ANO3: variants seen among roughly 807,000 people sequenced by gnomAD.
ANO3 encodes the protein anoctamin 3.
In ANO3, 99 loss-of-function variants were observed where a neutral mutation model predicts 144.8. The ratio of observed to expected loss-of-function variants is 0.68; its 90% confidence interval spans 0.58 to 0.81. ANO3 has a LOEUF of 0.81. Ranked by LOEUF, ANO3 falls within the 30% of genes least tolerant of loss-of-function variation. The probability of loss-of-function intolerance (pLI) is 0.00; values close to 1 mark genes in which losing one functional copy is unlikely to be tolerated. For missense variants in ANO3, 905 were observed against 1,202.2 expected, an observed-to-expected ratio of 0.75 and a Z score of 3.66; for synonymous variants, 414 against 392.6, an observed-to-expected ratio of 1.05 and a Z score of -0.64.
upstream of ANO3, among the ~76,000 whole-genome samples, chr11:26,329,872 G>A (rs1288668383): frequency 2.0e-5 from 3 of 151,246 alleles, no homozygotes; most frequent in East Asian, 5.9e-4. Flanking sequence ...GAGTGCGGTG[G>A]TGCGATCTAG....
chr11:26,244,773 T>C (rs1328491742), intron 1 of ANO3, among the ~76,000 whole-genome samples: 3 of 152,166 alleles, frequency 2.0e-5, no homozygotes, highest in Admixed American at 6.5e-5. Flanking sequence ...TGGTCTCTTA[T>C]GTAACTGAAA....
chr11:26,430,293 A>T lies in ANO3; in HGVS notation c.47-11625A>T, dbSNP rs961241675. On this transcript the variant is annotated intron_variant, in intron 1 of 26. Transcript: ENST00000256737. ...CTTAAAGGTTTAATGGATAAGGTAG[A>T]TCATATATATATGTATGTGTCTACG... is the stretch of plus-strand genomic sequence containing the variant. 1.2e-4 allele frequency among the ~76,000 whole-genome samples: 18 copies of T among 152,066 alleles called. No homozygotes were observed. The East Asian group carries it at 3.5e-3, about 29-fold the overall frequency.
At chr11:26,559,893 A>G in intron 14 of ANO3, 114 bp downstream of exon 14, 1 of 796,016 alleles carries the variant, frequency 1.3e-6, no homozygotes, top group Non-Finnish European at 2.1e-6. Flanking sequence ...CAATTCAAAA[A>G]TAAAGCCTCT....
chr11:26,516,950 T>C, intron 6 of ANO3, 23 bp downstream of exon 6: 2 of 1,406,900 alleles, frequency 1.4e-6, no homozygotes, highest in Non-Finnish European at 2.0e-6. Context: ...TTTACTTTAT[T>C]TTATCTCAAT....
At chr11:26,595,031 G>C (rs570505162) in intron 14 of ANO3, among the ~76,000 whole-genome samples, 18 of 152,236 alleles carry the variant, frequency 1.2e-4, no homozygotes, top group African/African-American at 3.9e-4. Flanking sequence ...TTTTGCCTTG[G>C]GGGGAATGTT....
intron 1 of ANO3, among the ~76,000 whole-genome samples, chr11:26,193,098 G>T (rs1851509372): frequency 6.7e-6 from 1 of 150,264 alleles, no homozygotes; most frequent in Non-Finnish European, 1.5e-5. Context: ...CCCCTCAAAG[G>T]CTGCTATTAT....
At chr11:26,375,595 G>C (rs936602540) in intron 1 of ANO3, among the ~76,000 whole-genome samples, 4 of 152,054 alleles carry the variant, frequency 2.6e-5, no homozygotes, top group Non-Finnish European at 5.9e-5. Flanking sequence ...ATTTTCTCCC[G>C]ATCTTCTGTA....
chr11:26,554,420 T>C (rs1212574686), intron 13 of ANO3, among the ~76,000 whole-genome samples: 2 of 152,156 alleles, frequency 1.3e-5, no homozygotes, highest in Non-Finnish European at 2.9e-5. Context: ...GGACAAATGC[T>C]GTCATTTCTC....
intron 7 of ANO3, among the ~76,000 whole-genome samples, chr11:26,529,830 A>T (rs944197893): frequency 6.6e-6 from 1 of 152,084 alleles, no homozygotes; most frequent in African/African-American, 2.4e-5. Flanking sequence ...TCTGATTTCA[A>T]TCAGTATATA....
At chr11:26,446,044 C>G (rs1177010367) in intron 3 of ANO3, among the ~76,000 whole-genome samples, 1 of 152,064 alleles carries the variant, frequency 6.6e-6, no homozygotes, top group Non-Finnish European at 1.5e-5. Context: ...GTTGGCCAGG[C>G]TGGTCTCAAA....
At chr11:26,479,587 G>C (rs1307834442) in intron 4 of ANO3, among the ~76,000 whole-genome samples, 1 of 152,068 alleles carries the variant, frequency 6.6e-6, no homozygotes, top group East Asian at 1.9e-4. Context: ...ACTACCACGA[G>C]AACAGCATGG....
At chr11:26,388,896 C>T (rs1554948008) in intron 1 of ANO3, among the ~76,000 whole-genome samples, 1 of 151,986 alleles carries the variant, frequency 6.6e-6, no homozygotes, top group Non-Finnish European at 1.5e-5. Flanking sequence ...TACTACACAG[C>T]CTTCTTTGTT....
intron 4 of ANO3, among the ~76,000 whole-genome samples, chr11:26,488,820 C>T (rs1368637653): frequency 2.0e-5 from 3 of 152,112 alleles, no homozygotes; most frequent in East Asian, 1.9e-4. Flanking sequence ...GAAAGGGACC[C>T]GAGCAGGTTG....
chr11:26,332,092 G>T (rs1392416226), upstream of ANO3: 2 of 1,463,246 alleles, frequency 1.4e-6, no homozygotes, highest in East Asian at 2.5e-5. Flanking sequence ...CCGCCCTCCC[G>T]CGTTCCCATG....
chr11:26,270,270 T>G (rs1853411658), intron 1 of ANO3, among the ~76,000 whole-genome samples: 2 of 152,116 alleles, frequency 1.3e-5, no homozygotes, highest in African/African-American at 4.8e-5. Context: ...ATTTAACAAC[T>G]CCTAAATGTC....
intron 1 of ANO3, among the ~76,000 whole-genome samples, chr11:26,257,553 G>A (rs76646348): frequency 0.019 from 2,816 of 152,052 alleles, 69 homozygotes; most frequent in East Asian, 0.12. Flanking sequence ...TTTCATTCAC[G>A]TTATGGAGTC....
Position 26,647,932 on chromosome 11 carries a change from G to A in ANO3, c.2576+76G>A. The A allele has an allele frequency of 5.7e-6, 8 of 1,408,354 alleles. No individual in the cohort carries two copies. In the South Asian group the frequency reaches 8.5e-5, roughly 15 times the overall value. The allele number at this position is 1,408,354 out of a possible 1,614,324, so 87.2% of individuals were successfully genotyped here. On this transcript the variant is annotated intron_variant, in intron 24 of 26. Coordinates refer to ENST00000256737, the MANE Select transcript of ANO3 (RefSeq NM_031418.4). ...AAATAGGATCTTACTGGGAAGTTTT[G>A]TTCTGTGACCATTAAGGGTGGTGTT...
intron 1 of ANO3, among the ~76,000 whole-genome samples, chr11:26,358,219 T>A (rs1855836105): frequency 7.1e-6 from 1 of 139,894 alleles, no homozygotes; most frequent in Non-Finnish European, 1.5e-5. Flanking sequence ...GTCGTCAGGC[T>A]GGAGTGCAGC....
chr11:26,237,419 AT>A (rs1852557563), intron 1 of ANO3, among the ~76,000 whole-genome samples: 1 of 151,934 alleles, frequency 6.6e-6, no homozygotes, highest in Admixed American at 6.6e-5. Context: ...TATTTATTAT[AT>A]TATTTTAATT....
Sources: allele counts gnomAD v4.1 joint callset (sites outside exome capture counted in the v4.1 genomes callset), GRCh38; gene constraint gnomAD v4.1.1; transcripts MANE v1.5; gene names NCBI Gene and HGNC (gene_info 2026-07-23, HGNC 2026-07-21).